The following TBL1X variants were observed in gnomAD, a reference collection of about 807,000 sequenced individuals.
TBL1X encodes F-box-like/WD repeat-containing protein TBL1X.
In TBL1X, 10 loss-of-function variants were observed where a neutral mutation model predicts 50.7. That is an observed-to-expected ratio of 0.20 (90% CI 0.12 to 0.33). The LOEUF (loss-of-function observed/expected upper bound fraction) is 0.33. TBL1X is among the 10% of genes least tolerant of loss of function. The probability of loss-of-function intolerance (pLI) is 1.00; values close to 1 mark genes in which losing one functional copy is unlikely to be tolerated. For synonymous variants in TBL1X, 190 were observed against 214.7 expected, an observed-to-expected ratio of 0.88 and a Z score of 1.01; for missense variants, 340 against 504.4, an observed-to-expected ratio of 0.67 and a Z score of 3.12.
rs774539653 is a variant in TBL1X, at chrX:9,583,077, G to C, written c.-130-57196G>C. ...GCCTTAACGAAAAGACCACAGACTA[G>C]GTGGCTTAAAATAGCAGAGATGTAT... On this transcript the variant is annotated intron_variant, in intron 2 of 17. Transcript: ENST00000645353. Among the ~76,000 whole-genome samples the C allele has an allele frequency of 2.7e-5, 3 of 112,727 alleles. No individual in the cohort carries two copies. The Admixed American group carries it at 2.8e-4, about 11-fold the overall frequency.
At chrX:9,629,798 T>C in intron 2 of TBL1X, among the ~76,000 whole-genome samples, 1 of 111,258 alleles carries the variant, frequency 9.0e-6, no homozygotes. Flanking sequence ...TAAGAGGGTT[T>C]CTCTAGAAAC....
At chrX:9,649,614 A>T (rs1293835206) in intron 3 of TBL1X, among the ~76,000 whole-genome samples, 2 of 112,113 alleles carry the variant, frequency 1.8e-5, no homozygotes, top group Non-Finnish European at 3.8e-5. Flanking sequence ...ACAGATAATT[A>T]AAAATGGCCC....
chrX:9,475,901 A>G (rs774603115), intron 1 of TBL1X, among the ~76,000 whole-genome samples: 2 of 112,263 alleles, frequency 1.8e-5, no homozygotes, highest in South Asian at 7.4e-4. Flanking sequence ...ACTTTGTTAT[A>G]TGAAATGATG....
chrX:9,497,838 T>C (rs1009824856), intron 1 of TBL1X, among the ~76,000 whole-genome samples: 7 of 71,420 alleles, frequency 9.8e-5, no homozygotes, highest in Admixed American at 2.0e-4. Context: ...TTTTTTCTTT[T>C]CTTTCTCTCT....
intron 2 of TBL1X, among the ~76,000 whole-genome samples, chrX:9,580,199 A>T (rs1017311192): frequency 1.2e-4 from 13 of 111,615 alleles, no homozygotes; most frequent in Admixed American, 1.1e-3. Flanking sequence ...GGTCTCAATC[A>T]ATTTAGGAAG....
intron 2 of TBL1X, among the ~76,000 whole-genome samples, chrX:9,538,765 C>G (rs1265832324): frequency 8.9e-6 from 1 of 112,604 alleles, no homozygotes; most frequent in Non-Finnish European, 1.9e-5. Flanking sequence ...AAGGTGTTTC[C>G]GTTCTCTGAT....
intron 2 of TBL1X, among the ~76,000 whole-genome samples, chrX:9,574,003 C>T (rs1165402166): frequency 8.9e-6 from 1 of 112,108 alleles, no homozygotes; most frequent in Admixed American, 9.4e-5. Context: ...TATTCAATGC[C>T]GGCATCACTA....
chrX:9,519,407 G>C (rs945896368), intron 2 of TBL1X, among the ~76,000 whole-genome samples: 1 of 110,821 alleles, frequency 9.0e-6, no homozygotes, highest in African/African-American at 3.3e-5. Context: ...CACTGGGCCC[G>C]GCCTACTTGT....
chrX:9,676,890 C>T (rs1204753221), intron 5 of TBL1X, among the ~76,000 whole-genome samples: 2 of 111,874 alleles, frequency 1.8e-5, no homozygotes, highest in Non-Finnish European at 3.8e-5. Flanking sequence ...ATGATAAGAA[C>T]TGCTTCTTGG....
chrX:9,709,529 C>T (rs1466395323), intron 14 of TBL1X, 104 bp from the exon 15 acceptor site: 4 of 1,120,953 alleles, frequency 3.6e-6, no homozygotes, highest in Non-Finnish European at 1.2e-6. Flanking sequence ...GTGCACCCTC[C>T]ACCCTGCCCT....
At chrX:9,684,821 C>T (rs189402759) in intron 6 of TBL1X, among the ~76,000 whole-genome samples, 131 of 111,919 alleles carry the variant, frequency 1.2e-3, no homozygotes, top group Admixed American at 3.3e-3. Context: ...CTCTGGGCTT[C>T]GGAGTGGACG....
chrX:9,694,998 A>AT (rs2083123183), intron 11 of TBL1X, among the ~76,000 whole-genome samples: 3 of 111,873 alleles, frequency 2.7e-5, no homozygotes, highest in Middle Eastern at 4.7e-3. Flanking sequence ...AAATAAATAA[A>AT]ATGATAGACT....
chrX:9,463,355 G>C (rs2081748154), upstream of TBL1X: 1 of 111,579 alleles, frequency 9.0e-6, no homozygotes, highest in African/African-American at 3.3e-5. Flanking sequence ...AGCAACGAAG[G>C]GCAGGCTCAA....
At chrX:9,594,021 C>T (rs754345595) in intron 2 of TBL1X, among the ~76,000 whole-genome samples, 3 of 112,358 alleles carry the variant, frequency 2.7e-5, no homozygotes, top group Non-Finnish European at 5.6e-5. Flanking sequence ...AACTCTGCCC[C>T]GCTCGGGGTT....
At position 9,540,916 on chromosome X, in the gene TBL1X, A is replaced by G. The variant is rs986096276; in HGVS notation, c.-131+39067A>G. Among the ~76,000 whole-genome samples the G allele has an allele frequency of 5.4e-5, 6 of 111,871 alleles. No individual in the cohort carries two copies. The South Asian group carries it at 2.3e-3, about 42-fold the overall frequency. The stretch of plus-strand genomic sequence containing the variant: ...TAAAATGCTTTTTCTGTCAATAATC[A>G]GAGAAGGATGCCGCATTCATATTAC... On this transcript the variant is annotated intron_variant, in intron 2 of 17. Coordinates refer to ENST00000645353, the MANE Select transcript of TBL1X (RefSeq NM_005647.4).
rs746219981 is a variant in TBL1X, at chrX:9,644,657, T to G, written c.-43+4297T>G. On this transcript the variant is annotated intron_variant, in intron 3 of 17. Coordinates refer to ENST00000645353, the MANE Select transcript of TBL1X (RefSeq NM_005647.4). ...CATCATGGGGATTTTTTCTTTTCTT[T>G]TCTTTTTTTTTTTTTTTAGATGGAG... is the stretch of plus-strand genomic sequence containing the variant. 35 of 104,400 alleles carry G rather than the reference T, an allele frequency of 3.4e-4. No individual in the cohort carries two copies. In the Admixed American group the frequency reaches 3.4e-3, roughly 10 times the overall value. 8.6% of individuals were successfully genotyped at this position (104,400 alleles called of 1,213,427 possible).
intron 2 of TBL1X, among the ~76,000 whole-genome samples, chrX:9,615,963 G>T (rs1428171498): frequency 8.9e-6 from 1 of 112,075 alleles, no homozygotes; most frequent in Non-Finnish European, 1.9e-5. Flanking sequence ...ATAACACATT[G>T]AATGAACCAG....
At chrX:9,479,127 C>T (rs1273419211) in intron 1 of TBL1X, among the ~76,000 whole-genome samples, 1 of 112,977 alleles carries the variant, frequency 8.9e-6, no homozygotes, top group Non-Finnish European at 1.9e-5. Context: ...TCTGTGTATT[C>T]TTCTCTGTTA....
rs56756151 is a variant in TBL1X at position 9,665,489 on chromosome X, C to CTATATATATATA, written c.211+11206_211+11217dup. On this transcript the variant is annotated intron_variant, in intron 5 of 17. Coordinates refer to ENST00000645353, the MANE Select transcript of TBL1X (RefSeq NM_005647.4). ...ACTTAATTAAAAACTGATATTCAAG[C>CTATATATATATA]TATATATATATATATATATATATAT... Among the ~76,000 whole-genome samples, 110 of 19,796 alleles carry CTATATATATATA rather than the reference C, an allele frequency of 5.6e-3. 8 individuals carry two copies. The highest frequency in any genetic ancestry group is 6.6e-3 in the Non-Finnish European group (80 of 12,080). 17.2% of individuals were successfully genotyped at this position (19,796 alleles called of 115,157 possible). A position where few individuals can be genotyped will look rare whatever the true frequency, so the allele number is the denominator to read the frequency against.
Sources: gnomAD v4.1 joint callset for allele counts (sites outside exome capture counted in the v4.1 genomes callset) on GRCh38, gnomAD v4.1.1 for gene constraint, MANE v1.5 for transcripts, NCBI Gene and HGNC (gene_info 2026-07-23, HGNC 2026-07-21) for gene names.